The following MCM8 variants were observed in gnomAD, a reference collection of about 807,000 sequenced individuals.
MCM8 encodes DNA helicase MCM8.
MCM8 carries 85 observed loss-of-function variants against 98.9 expected under a neutral mutation model. The observed-to-expected ratio is 0.86, with a 90% confidence interval of 0.72 to 1.03. The LOEUF (loss-of-function observed/expected upper bound fraction) is 1.03. MCM8 is among the 50% of genes least tolerant of loss of function. The pLI, the probability that MCM8 is intolerant of heterozygous loss-of-function variation, is 0.00. For missense variants in MCM8, 951 were observed against 997.8 expected, an observed-to-expected ratio of 0.95 and a Z score of 0.63; for synonymous variants, 352 against 338.6, an observed-to-expected ratio of 1.04 and a Z score of -0.44.
Position 5,984,818 on chromosome 20 carries a change from T to C in MCM8, c.1771T>C (p.Phe591Leu). ...ACTACTATCCAGATTTGATTTGGTCTTTATCCTGTTAGATACTCCAAATGA... is the reference window on the plus strand; with the variant it reads ...ACTACTATCCAGATTTGATTTGGTCCTTATCCTGTTAGATACTCCAAATGA... ...SALLSRFDLVFILLDTPNEHH... is the reference protein window; with the variant it reads ...SALLSRFDLVLILLDTPNEHH... Residue 591 changes from phenylalanine to leucine, a missense_variant, in exon 15 of 19, where the codon TTT becomes CTT. Physicochemically the swap from Phe to Leu is conservative, Grantham distance 22 (BLOSUM62 0). Transcript: ENST00000610722. 1 of 1,614,098 alleles carries C rather than the reference T, an allele frequency of 6.2e-7. No homozygotes were observed. The highest frequency in any genetic ancestry group is 1.6e-4 in the Middle Eastern group (1 of 6,062).
chr20:5,983,991 GCTGTA>G lies in MCM8; in HGVS notation c.1734-787_1734-783del, dbSNP rs1304182782. On this transcript the variant is annotated intron_variant, in intron 14 of 18. Transcript: ENST00000610722. ...TGTACTAATGGGGGAACATGTCTGT[GCTGTA>G]CTATTAAGTGAGAAGAGCACATTAA... Among the ~76,000 whole-genome samples, 30 of 152,324 alleles carry G rather than the reference GCTGTA, an allele frequency of 2.0e-4. No homozygotes were observed. In the East Asian group the frequency reaches 5.8e-3, roughly 29 times the overall value.
chr20:5,994,305 G>C lies in MCM8; in HGVS notation c.2437G>C (p.Asp813His). 1 of 1,592,808 alleles carries C rather than the reference G, an allele frequency of 6.3e-7. No individual in the cohort carries two copies. The highest frequency in any genetic ancestry group is 1.4e-5 in the African/African-American group (1 of 73,532). Residue 813 changes from aspartate to histidine, a missense_variant, in exon 19 of 19, where the codon GAT (aspartate) becomes CAT (histidine). Transcript: ENST00000610722. The stretch of plus-strand genomic sequence containing the variant: ...TTTTGATGTTTTCTTCCAGGTTGCT[G>C]ATTTTGAAAATTTTATTGGATCACT... ...IAKELNIQVA[D>H]FENFIGSLND...
chr20:5,983,942 T>G (rs2089680609), intron 14 of MCM8, among the ~76,000 whole-genome samples: 1 of 152,224 alleles, frequency 6.6e-6, no homozygotes, highest in Non-Finnish European at 1.5e-5. Flanking sequence ...CTGTAGTGAT[T>G]ATGAGAACGA....
chr20:5,962,352 CTTTTTTTTTTTTTT>C lies in MCM8; in HGVS notation c.790-902_790-889del, dbSNP rs926577182. On this transcript the variant is annotated intron_variant, in intron 7 of 18. Transcript: ENST00000610722. Reference sequence around the variant, plus strand: ...CAGGAGAAGGAATTAGCCTTCATTTCTTTTTTTTTTTTTTTTTTTTTTTTTTTTTTTTTGAGACG... The same window carrying C: ...CAGGAGAAGGAATTAGCCTTCATTTCTTTTTTTTTTTTTTTTTTTGAGACG... Among the ~76,000 whole-genome samples the C allele has an allele frequency of 9.3e-3, 379 of 40,556 alleles. 11 individuals are homozygous for C. The highest frequency in any genetic ancestry group is 0.014 in the Admixed American group (36 of 2,636). The allele number at this position is 40,556 out of a possible 152,430, so 26.6% of individuals were successfully genotyped here. A position where few individuals can be genotyped will look rare whatever the true frequency, so the allele number is the denominator to read the frequency against.
chr20:5,959,660 TAGC>T (rs1158109728), intron 7 of MCM8, among the ~76,000 whole-genome samples: 1 of 151,680 alleles, frequency 6.6e-6, no homozygotes, highest in African/African-American at 2.4e-5. Flanking sequence ...CATGTCTCCT[TAGC>T]AGAGGAATAC....
intron 7 of MCM8, among the ~76,000 whole-genome samples, chr20:5,962,056 C>T (rs544326547): frequency 6.6e-6 from 1 of 152,222 alleles, no homozygotes; most frequent in Non-Finnish European, 1.5e-5. Context: ...GAGTTGTAGT[C>T]AGATGGTGGC....
At chr20:5,972,971 ATAT>A in intron 11 of MCM8, 82 bp from the exon 12 acceptor site, 1 of 1,455,218 alleles carries the variant, frequency 6.9e-7, no homozygotes, top group Non-Finnish European at 9.2e-7. Flanking sequence ...AAACAAATTA[ATAT>A]TATAGAAGGA....
At chr20:5,967,138 C>T (rs566453004) in intron 8 of MCM8, among the ~76,000 whole-genome samples, 1 of 152,270 alleles carries the variant, frequency 6.6e-6, no homozygotes, top group South Asian at 2.1e-4. Flanking sequence ...AATACTTTAC[C>T]ATTTGCTGGT....
chr20:5,959,222 C>G (rs1041080855), intron 7 of MCM8, among the ~76,000 whole-genome samples: 5 of 152,154 alleles, frequency 3.3e-5, no homozygotes, highest in Middle Eastern at 3.4e-3. Context: ...TAACATTTAT[C>G]TACTCTATGA....
rs767895966 is a variant in MCM8 at position 5,986,082 on chromosome 20, G to A, written c.2114G>A (p.Ser705Asn). 1.2e-6 allele frequency: 2 copies of A among 1,614,066 alleles called. No homozygotes were observed. The highest frequency in any genetic ancestry group is 2.7e-5 in the African/African-American group (2 of 74,920). The change falls in exon 16 of 19, where the codon AGC (serine) becomes AAC (asparagine). Residue 705 changes from serine to asparagine, a missense_variant. By Grantham distance (46) the Ser-to-Asn change is conservative. Transcript: ENST00000610722. ...CGGAAACAGAGCCAGAGGTTAAATA[G>A]CTCACCAATCACTACCAGGCAGCTG... ...ELRKQSQRLN[S>N]SPITTRQLES... is the part of the protein sequence containing the mutation.
intron 16 of MCM8, 65 bp from the exon 17 acceptor site, chr20:5,987,217 G>A (rs1283632793): frequency 8.8e-6 from 13 of 1,484,630 alleles, no homozygotes; most frequent in Non-Finnish European, 1.1e-5. Context: ...ATGAAGTAAA[G>A]CTTAGACATA....
At chr20:5,972,949 A>G in intron 11 of MCM8, 107 bp from the exon 12 acceptor site, 1 of 1,396,742 alleles carries the variant, frequency 7.2e-7, no homozygotes, top group Non-Finnish European at 9.6e-7. Flanking sequence ...TCATGCTTTT[A>G]AAACAATCCC....
At chr20:5,963,023 AC>A (rs2089187268) in intron 7 of MCM8, among the ~76,000 whole-genome samples, 1 of 152,200 alleles carries the variant, frequency 6.6e-6, no homozygotes, top group Admixed American at 6.5e-5. Context: ...CAAGCAAAGC[AC>A]CTTGCATACC....
In MCM8 at chr20:5,961,382, CAT is replaced by C. The variant is rs542575105; in HGVS notation, c.790-1891_790-1890del. On this transcript the variant is annotated intron_variant, in intron 7 of 18. Transcript: ENST00000610722. ...ATTTAACATTTGCTAAATTTTTGCT[CAT>C]GTGAAGGGTTGAATCCTTAGTGAGG... 1.4e-3 allele frequency among the ~76,000 whole-genome samples: 214 copies of C among 152,232 alleles called. 1 individual carries two copies. Among genetic ancestry groups the C allele is most frequent in the African/African-American group, 5.0e-3 (207 of 41,542 alleles).
intron 3 of MCM8, among the ~76,000 whole-genome samples, chr20:5,953,907 T>C (rs1461158294): frequency 6.6e-6 from 1 of 152,154 alleles, no homozygotes; most frequent in East Asian, 1.9e-4. Flanking sequence ...AATCTGTTCG[T>C]TTTTTTCCAT....
chr20:5,952,271 AC>A (rs2088851383), intron 2 of MCM8, 108 bp downstream of exon 2: 20 of 1,562,306 alleles, frequency 1.3e-5, no homozygotes, highest in Non-Finnish European at 1.7e-5. Flanking sequence ...ATTTCATGCT[AC>A]TCCTTAGTAA....
intron 13 of MCM8, among the ~76,000 whole-genome samples, chr20:5,979,776 T>A (rs760140744): frequency 3.9e-5 from 6 of 152,224 alleles, no homozygotes; most frequent in Non-Finnish European, 5.9e-5. Context: ...CCCTTCCTGT[T>A]GTTTTTAATA....
rs1316521836 is a variant in MCM8, at chr20:5,984,991, A to C, written c.1944A>C (p.Glu648Asp). The C allele has an allele frequency of 6.2e-7, 1 of 1,612,734 alleles. No individual in the cohort carries two copies. Among genetic ancestry groups the C allele is most frequent in the Non-Finnish European group, 8.5e-7 (1 of 1,178,956 alleles). Residue 648 changes from glutamate (E) to aspartate (D), a missense_variant, in exon 15 of 19, where the codon GAA becomes GAC. Transcript: ENST00000610722. Reference sequence around the variant, plus strand: ...TAGTTTCTGAGAAGCCATTATCAGAAAGACTAAAGGTATAAATGTTTCTTC... The same window carrying C: ...TAGTTTCTGAGAAGCCATTATCAGACAGACTAAAGGTATAAATGTTTCTTC... The part of the protein sequence containing the change: ...LEVVSEKPLS[E>D]RLKVVPGETI...
At position 5,997,234 on chromosome 20, in the gene MCM8, G is replaced by T. The variant is rs2089971266; in HGVS notation, c.*2843G>T. 6.7e-6 allele frequency: 1 copy of T among 148,846 alleles called. No individual in the cohort carries two copies. The allele number at this position is 148,846 out of a possible 1,614,324, so 9.2% of individuals were successfully genotyped here. On this transcript the variant is annotated 3_prime_UTR_variant, in exon 19 of 19. Transcript: ENST00000610722. ...AGTTTTGCTCTTTTTGCTCAGGCTGGAGTACAGTGGCGCGATCTTGGTTCA... is the reference window on the plus strand; with the variant it reads ...AGTTTTGCTCTTTTTGCTCAGGCTGTAGTACAGTGGCGCGATCTTGGTTCA...
Sources: gnomAD v4.1 joint callset for allele counts (sites outside exome capture counted in the v4.1 genomes callset) on GRCh38, gnomAD v4.1.1 for gene constraint, MANE v1.5 for transcripts, NCBI Gene and HGNC (gene_info 2026-07-23, HGNC 2026-07-21) for gene names.